The following PDE7A variants were observed in gnomAD, a reference collection of about 807,000 sequenced individuals.
The protein encoded by PDE7A is phosphodiesterase 7A, also known as high affinity 3',5'-cyclic-AMP phosphodiesterase 7A.
A neutral mutation model predicts 64.3 loss-of-function variants in PDE7A; 39 were observed. The observed-to-expected ratio is 0.61, with a 90% CI of 0.47 to 0.79. PDE7A has a LOEUF of 0.79. PDE7A is among the 30% of genes least tolerant of loss of function. PDE7A has a pLI of 0.00. For missense variants in PDE7A, 470 were observed against 582.8 expected (o/e 0.81, Z 1.99); for synonymous variants, 203 against 206.8 (o/e 0.98, Z 0.16).
Position 65,817,901 on chromosome 8 carries a change from T to C in PDE7A, c.138+23470A>G, listed in dbSNP as rs557433965. On this transcript the variant is annotated intron_variant, in intron 1 of 12. Coordinates refer to ENST00000401827, the MANE Select transcript of PDE7A (RefSeq NM_001242318.3). ...CTGAGTAGCTGGGATTACAGGCGCC[T>C]GCCACTGCGCCCAGCTAATTTTTTG... 3.0e-3 allele frequency among the ~76,000 whole-genome samples: 463 copies of C among 151,906 alleles called. 2 individuals are homozygous for C. Among genetic ancestry groups the C allele is most frequent in the African/African-American group, 0.011 (447 of 41,324 alleles).
intron 6 of PDE7A, among the ~76,000 whole-genome samples, chr8:65,736,567 A>C (rs1233909030): frequency 6.6e-6 from 1 of 152,008 alleles, no homozygotes; most frequent in South Asian, 2.1e-4. Context: ...AGCCTAGGCC[A>C]TTAGCAAGAC....
chr8:65,840,762 T>C (rs1357314438), intron 1 of PDE7A, among the ~76,000 whole-genome samples: 2 of 152,216 alleles, frequency 1.3e-5, no homozygotes, highest in African/African-American at 4.8e-5. Flanking sequence ...AATCTCCTTA[T>C]CAAATTAAAA....
chr8:65,739,134 TTC>T (rs942668420), intron 6 of PDE7A, among the ~76,000 whole-genome samples: 15 of 152,308 alleles, frequency 9.8e-5, no homozygotes, highest in East Asian at 9.6e-4. Flanking sequence ...AAATAAATAA[TTC>T]TTTTTTGTTT....
intron 1 of PDE7A, among the ~76,000 whole-genome samples, chr8:65,826,996 C>A (rs1436335924): frequency 6.6e-6 from 1 of 152,118 alleles, no homozygotes; most frequent in African/African-American, 2.4e-5. Context: ...TCCAGAGATA[C>A]CACTCATTGA....
chr8:65,733,486 G>C (rs1806990740), intron 7 of PDE7A, among the ~76,000 whole-genome samples: 1 of 152,114 alleles, frequency 6.6e-6, no homozygotes, highest in Non-Finnish European at 1.5e-5. Flanking sequence ...GTGGGCAATA[G>C]AGTGAGACCC....
chr8:65,727,085 A>G, intron 8 of PDE7A, 85 bp downstream of exon 8: 2 of 1,038,828 alleles, frequency 1.9e-6, no homozygotes, highest in Admixed American at 4.0e-5. Flanking sequence ...TTGAGAATTT[A>G]TTTTCATTAC....
intron 1 of PDE7A, among the ~76,000 whole-genome samples, chr8:65,810,802 A>C (rs1033561543): frequency 1.1e-4 from 16 of 152,180 alleles, no homozygotes; most frequent in African/African-American, 3.9e-4. Flanking sequence ...AATATTTCCT[A>C]ATAAAGTAAG....
intron 5 of PDE7A, among the ~76,000 whole-genome samples, chr8:65,743,386 C>G (rs376103096): frequency 6.6e-6 from 1 of 152,144 alleles, no homozygotes; most frequent in East Asian, 1.9e-4. Flanking sequence ...GGGAGAAGAA[C>G]AGAACACTTA....
chr8:65,803,822 T>G (rs1474309334), intron 1 of PDE7A, among the ~76,000 whole-genome samples: 1 of 152,196 alleles, frequency 6.6e-6, no homozygotes, highest in Non-Finnish European at 1.5e-5. Flanking sequence ...GAAGCTCCTG[T>G]CAATTCCCAA....
chr8:65,724,313 C>G lies in PDE7A; in HGVS notation c.1104G>C (p.Arg368=). 6.2e-7 allele frequency: 1 copy of G among 1,612,926 alleles called. No individual in the cohort carries two copies. The change falls in exon 11 of 13, where the codon CGG becomes CGC. Residue 368 remains arginine, a synonymous_variant. Coordinates refer to ENST00000401827, the MANE Select transcript of PDE7A (RefSeq NM_001242318.3). Reference sequence around the variant, plus strand: ...TCCACTGCTTGCTTAATTCCCACGTCCGACATGGGTTACAAATATCAGCAC... The same window carrying G: ...TCCACTGCTTGCTTAATTCCCACGTGCGACATGGGTTACAAATATCAGCAC... The part of the protein sequence containing the change: ...LKCADICNPC[R]TWELSKQWSE...
chr8:65,839,346 A>AC (rs1811023118), intron 1 of PDE7A, among the ~76,000 whole-genome samples: 1 of 151,478 alleles, frequency 6.6e-6, no homozygotes, highest in Non-Finnish European at 1.5e-5. Context: ...CATTTGATTA[A>AC]CCAAATGTTT....
chr8:65,742,183 C>A (rs1003828778), intron 5 of PDE7A, among the ~76,000 whole-genome samples: 3 of 152,146 alleles, frequency 2.0e-5, no homozygotes, highest in African/African-American at 7.2e-5. Context: ...AGAAAAGCTA[C>A]CCACATAAAA....
intron 1 of PDE7A, among the ~76,000 whole-genome samples, chr8:65,803,305 T>C (rs746101386): frequency 8.5e-5 from 13 of 152,218 alleles, no homozygotes; most frequent in Non-Finnish European, 1.8e-4. Context: ...CCAGCTTCTC[T>C]AAGTTACAGC....
intron 7 of PDE7A, among the ~76,000 whole-genome samples, chr8:65,729,700 T>C (rs1477864747): frequency 6.6e-6 from 1 of 151,374 alleles, no homozygotes; most frequent in Non-Finnish European, 1.5e-5. Flanking sequence ...GCAGCTGGGA[T>C]TATAGGCGCC....
chr8:65,726,284 C>G (rs1314293532), intron 9 of PDE7A, among the ~76,000 whole-genome samples: 1 of 152,108 alleles, frequency 6.6e-6, no homozygotes, highest in Non-Finnish European at 1.5e-5. Flanking sequence ...TCGTGTTAGC[C>G]TTATTCACAT....
chr8:65,837,970 A>ACC (rs1436355190), intron 1 of PDE7A, among the ~76,000 whole-genome samples: 1 of 152,122 alleles, frequency 6.6e-6, no homozygotes, highest in Non-Finnish European at 1.5e-5. Flanking sequence ...TCAACGCATA[A>ACC]CACAAGGAGC....
chr8:65,802,061 C>T (rs182185279), intron 1 of PDE7A, among the ~76,000 whole-genome samples: 1 of 152,286 alleles, frequency 6.6e-6, no homozygotes, highest in Non-Finnish European at 1.5e-5. Context: ...CAACACTCTA[C>T]AAAGAAATTT....
intron 1 of PDE7A, among the ~76,000 whole-genome samples, chr8:65,801,882 AT>A (rs1241263126): frequency 6.6e-6 from 1 of 152,212 alleles, no homozygotes; most frequent in Non-Finnish European, 1.5e-5. Context: ...TCTTAACACC[AT>A]TTGTTTACAT....
intron 3 of PDE7A, among the ~76,000 whole-genome samples, chr8:65,759,958 A>G (rs80050073): frequency 0.039 from 5,986 of 152,114 alleles, 172 homozygotes; most frequent in Non-Finnish European, 0.06. Flanking sequence ...AGAATTTATC[A>G]GCTGAGCACG....
Sources: allele counts gnomAD v4.1 joint callset (sites outside exome capture counted in the v4.1 genomes callset), GRCh38; gene constraint gnomAD v4.1.1; transcripts MANE v1.5; gene names NCBI Gene and HGNC (gene_info 2026-07-23, HGNC 2026-07-21).